Variants in RNF212B observed in about 807,000 individuals in gnomAD.
RNF212B encodes E3 ubiquitin-protein ligase RNF212B.
Under a neutral mutation model 55.5 loss-of-function variants are expected in RNF212B, and 52 were observed. The observed-to-expected ratio is 0.94, with a 90% CI of 0.75 to 1.18. RNF212B has a LOEUF of 1.18. RNF212B is among the 50% of genes most tolerant of loss of function. The pLI, the probability that RNF212B is intolerant of heterozygous loss-of-function variation, is 0.00. For missense variants in RNF212B, 289 were observed against 350.4 expected (o/e 0.82, Z 1.40); for synonymous variants, 99 against 121.4 (o/e 0.82, Z 1.21).
intron 12 of RNF212B, 30 bp from the exon 13 acceptor site, chr14:23,269,833 T>G: frequency 8.0e-7 from 1 of 1,253,236 alleles, no homozygotes; most frequent in South Asian, 1.3e-5. Flanking sequence ...TGTCCTTTTC[T>G]CTGCTGATGC....
At position 23,259,697 on chromosome 14, in the gene RNF212B, T is replaced by G. The variant is rs907848812; in HGVS notation, c.345-187T>G. 4.7e-4 allele frequency: 189 copies of G among 403,472 alleles called. 1 individual carries two copies. Among genetic ancestry groups the G allele is most frequent in the Admixed American group, 3.8e-3 (83 of 21,720 alleles). 25.0% of individuals were successfully genotyped at this position (403,472 alleles called of 1,614,324 possible). A position where few individuals can be genotyped will look rare whatever the true frequency, so the allele number is the denominator to read the frequency against. ...CAAGTAATTGCTTATTTTGTCCACC[T>G]AATTGTTCTCATTATCAAAACCCTG... On this transcript the variant is annotated intron_variant, in intron 5 of 14. Transcript: ENST00000430154.
intron 4 of RNF212B, among the ~76,000 whole-genome samples, chr14:23,253,952 A>G (rs1441446811): frequency 1.3e-5 from 2 of 152,140 alleles, no homozygotes; most frequent in Non-Finnish European, 2.9e-5. Context: ...GCAAAAATAA[A>G]TCTTCAACTA....
chr14:23,197,844 AAG>A (rs1477682191), intron 2 of RNF212B, among the ~76,000 whole-genome samples: 3 of 151,940 alleles, frequency 2.0e-5, no homozygotes, highest in East Asian at 1.9e-4. Flanking sequence ...TGAGTCCAAA[AAG>A]AGAGTCAGCG....
At chr14:23,253,378 T>C (rs1290995845) in intron 4 of RNF212B, among the ~76,000 whole-genome samples, 1 of 152,222 alleles carries the variant, frequency 6.6e-6, no homozygotes, top group Non-Finnish European at 1.5e-5. Flanking sequence ...TTTTAAGTTA[T>C]TATTGAAGAA....
intron 2 of RNF212B, among the ~76,000 whole-genome samples, chr14:23,225,381 A>C (rs1486919437): frequency 6.6e-6 from 1 of 152,240 alleles, no homozygotes; most frequent in Admixed American, 6.5e-5. Flanking sequence ...CACTGTTCAC[A>C]ATAGCCAAGA....
At chr14:23,198,855 A>G (rs1229083067) in intron 2 of RNF212B, among the ~76,000 whole-genome samples, 1 of 152,210 alleles carries the variant, frequency 6.6e-6, no homozygotes, top group Non-Finnish European at 1.5e-5. Flanking sequence ...GAGAAGTAAC[A>G]TATAAGCAAG....
rs529753844 is a variant in RNF212B at position 23,244,660 on chromosome 14, A to C, written c.228+264A>C. Among the ~76,000 whole-genome samples, 40 of 152,324 alleles carry C rather than the reference A, an allele frequency of 2.6e-4. 1 individual carries two copies. The highest frequency in any genetic ancestry group is 9.4e-4 in the African/African-American group (39 of 41,574). ...TTGTATTAATTAATTTCTACGACTA[A>C]AGGTTGTTTTAGGGAGCTTTATCAT... On this transcript the variant is annotated intron_variant, in intron 4 of 14. Coordinates refer to ENST00000430154, the MANE Select transcript of RNF212B (RefSeq NM_001282322.3).
At position 23,273,097 on chromosome 14, in the gene RNF212B, G is replaced by A; in HGVS notation, c.*206G>A. On this transcript the variant is annotated 3_prime_UTR_variant, in exon 15 of 15. Transcript: ENST00000430154. ...GTCTTACAAAAGGCTAGTGCTTCAG[G>A]AAGATGTTTATATCTCTTCCAGAAG... 1 of 404,172 alleles carries A rather than the reference G, an allele frequency of 2.5e-6. No individual in the cohort carries two copies. The highest frequency in any genetic ancestry group is 4.4e-6 in the Non-Finnish European group (1 of 226,878). 25.0% of individuals were successfully genotyped at this position (404,172 alleles called of 1,614,324 possible). A position where few individuals can be genotyped will look rare whatever the true frequency, so the allele number is the denominator to read the frequency against.
intron 2 of RNF212B, among the ~76,000 whole-genome samples, chr14:23,193,820 T>C (rs1022816560): frequency 1.3e-5 from 2 of 151,890 alleles, no homozygotes; most frequent in Non-Finnish European, 2.9e-5. Context: ...TGTAGTACAA[T>C]ATGACTTTTA....
At chr14:23,224,984 C>T (rs1414438451) in intron 2 of RNF212B, among the ~76,000 whole-genome samples, 1 of 151,560 alleles carries the variant, frequency 6.6e-6, no homozygotes, top group African/African-American at 2.4e-5. Flanking sequence ...ATACAAATGG[C>T]AAACAGGCAT....
intron 2 of RNF212B, among the ~76,000 whole-genome samples, chr14:23,194,089 G>C (rs1420892012): frequency 6.6e-6 from 1 of 152,102 alleles, no homozygotes; most frequent in East Asian, 1.9e-4. Flanking sequence ...TGATCCACCC[G>C]CCTCGGCCTC....
rs760310236 is a variant in RNF212B at position 23,266,834 on chromosome 14, G to A, written c.635-2090G>A. Among the ~76,000 whole-genome samples the A allele has an allele frequency of 7.5e-4, 114 of 152,312 alleles. 1 individual carries two copies. The highest frequency in any genetic ancestry group is 2.2e-3 in the African/African-American group (93 of 41,566). Reference sequence around the variant, plus strand: ...TGGTGTATTCTATAGAGTCTGCTAGGTTTAGCTAGTATATCGTGTTGTTCA... The same window carrying A: ...TGGTGTATTCTATAGAGTCTGCTAGATTTAGCTAGTATATCGTGTTGTTCA... On this transcript the variant is annotated intron_variant, in intron 11 of 14. Coordinates refer to ENST00000430154, the MANE Select transcript of RNF212B (RefSeq NM_001282322.3).
upstream of RNF212B, among the ~76,000 whole-genome samples, chr14:23,233,741 CAA>C (rs761783082): frequency 0.074 from 5,710 of 77,428 alleles, 201 homozygotes; most frequent in African/African-American, 0.17. Context: ...GACCCTGTCT[CAA>C]AAAAAAAAAA....
intron 12 of RNF212B, 109 bp downstream of exon 12, chr14:23,269,072 A>AG (rs1885893504): frequency 1.2e-6 from 1 of 837,874 alleles, no homozygotes; most frequent in Non-Finnish European, 1.9e-6. Context: ...TGGGAGGCCG[A>AG]GGAGGGTGGA....
At chr14:23,225,954 G>A (rs1463859766) in intron 2 of RNF212B, among the ~76,000 whole-genome samples, 1 of 152,048 alleles carries the variant, frequency 6.6e-6, no homozygotes, top group East Asian at 1.9e-4. Flanking sequence ...CATGTACCCT[G>A]TAAGTATACA....
rs60659225 is a variant in RNF212B, at chr14:23,188,460, G to GTTTTTTTTTTTTTTTTTTTTTTTTTTT, written c.-79+2987_-79+2988insTTTTTTTTTTTTTTTTTTTTTTTTTTT. 1.5e-5 allele frequency: 2 copies of GTTTTTTTTTTTTTTTTTTTTTTTTTTT among 136,502 alleles called. 1 individual carries two copies. The highest frequency in any genetic ancestry group is 3.1e-5 in the Non-Finnish European group (2 of 64,028). 8.5% of individuals were successfully genotyped at this position (136,502 alleles called of 1,614,324 possible). A position where few individuals can be genotyped will look rare whatever the true frequency, so the allele number is the denominator to read the frequency against. The stretch of plus-strand genomic sequence containing the variant: ...TTCATTATGTTTGACAAAGATTAGG[G>GTTTTTTTTTTTTTTTTTTTTTTTTTTT]TTTTTTTTTTTTTTTTTAGAGATAG... On this transcript the variant is annotated intron_variant, in intron 1 of 15. Coordinates refer to the RNF212B transcript ENST00000399910.
chr14:23,208,763 T>TTTTTG (rs1880126573), intron 2 of RNF212B, among the ~76,000 whole-genome samples: 1 of 128,932 alleles, frequency 7.8e-6, no homozygotes, highest in Non-Finnish European at 1.6e-5. Flanking sequence ...TGCCGTTTTT[T>TTTTTG]TTTTTTTTTT....
chr14:23,200,964 A>G (rs951351354), intron 2 of RNF212B, among the ~76,000 whole-genome samples: 2 of 152,248 alleles, frequency 1.3e-5, no homozygotes, highest in African/African-American at 4.8e-5. Context: ...GAGAAAATCA[A>G]TTACAGAGAA....
At position 23,240,093 on chromosome 14, in the gene RNF212B, G is replaced by GTA. The variant is rs145145517; in HGVS notation, c.-1-241_-1-240dup. Among the ~76,000 whole-genome samples, 319 of 147,468 alleles carry GTA rather than the reference G, an allele frequency of 2.2e-3. 1 individual carries two copies. Among genetic ancestry groups the GTA allele is most frequent in the Admixed American group, 0.012 (173 of 14,788 alleles). On this transcript the variant is annotated intron_variant, in intron 1 of 14. Coordinates refer to ENST00000430154, the MANE Select transcript of RNF212B (RefSeq NM_001282322.3). ...TACTTTTCTAAATGTGTGTTTATAT[G>GTA]TATATATATATACACACACACACAT...
Sources: gnomAD v4.1 joint callset for allele counts (sites outside exome capture counted in the v4.1 genomes callset) on GRCh38, gnomAD v4.1.1 for gene constraint, MANE v1.5 for transcripts, NCBI Gene and HGNC (gene_info 2026-07-23, HGNC 2026-07-21) for gene names.